CPNE6: variants seen among roughly 807,000 people sequenced by gnomAD.
CPNE6 encodes copine-6.
CPNE6 carries 33 observed loss-of-function variants against 71.5 expected under a neutral mutation model. The ratio of observed to expected loss-of-function variants is 0.46; its 90% CI spans 0.35 to 0.62. The LOEUF (loss-of-function observed/expected upper bound fraction) is 0.62, where lower values mean the gene tolerates loss of function less well. CPNE6 is among the 20% of genes least tolerant of loss of function. The pLI is 0.00. For synonymous variants in CPNE6, 296 were observed against 293.0 expected (o/e 1.01, Z -0.10); for missense variants, 576 against 747.3 (o/e 0.77, Z 2.67).
rs748426725 is a variant in CPNE6, at chr14:24,074,746, G to A, written c.623G>A (p.Arg208His). 1.2e-5 allele frequency: 20 copies of A among 1,613,820 alleles called. No homozygotes were observed. The highest frequency in any genetic ancestry group is 2.2e-5 in the East Asian group (1 of 44,870). Residue 208 changes from arginine (R) to histidine (H), a missense_variant, in exon 8 of 18, where the codon CGC becomes CAC. This residue lies in a region of CPNE6 where 214 missense variants were observed against 291.2 expected (regional missense o/e 0.73). Coordinates refer to ENST00000397016, the Ensembl canonical transcript of CPNE6. This position sits in a 1 kb window ranked among gnomAD's most constrained non-coding sequence, Gnocchi z 4.5. ...CTGAACCCCAGCTGGGAGCCGTTCC[G>A]CCTGTCCCTGCATTCCCTATGCAGC...
Position 24,074,330 on chromosome 14 carries a change from C to A in CPNE6, c.463C>A (p.Gln155Lys). The stretch of plus-strand genomic sequence containing the variant: ...GGTATCAGGCACAAACGACTATGTG[C>A]AACTCACCTTCAGAGCCTACAAGCT... Residue 155 changes from glutamine to lysine, a missense_variant, in exon 6 of 18, where the codon CAA becomes AAA. Gln to Lys is a moderately conservative substitution (Grantham distance 53, BLOSUM62 1). Around this residue, in one of 4 missense-constraint regions of CPNE6, gnomAD observed 214 missense variants for 291.2 expected, o/e 0.73. Transcript: ENST00000397016. This position sits in a 1 kb window ranked among gnomAD's most constrained non-coding sequence, Gnocchi z 4.5. 1.3e-6 allele frequency: 2 copies of A among 1,567,576 alleles called. No homozygotes were observed. The highest frequency in any genetic ancestry group is 2.4e-5 in the South Asian group (2 of 82,942).
chr14:24,076,834 G>A lies in CPNE6; in HGVS notation c.1166-45G>A, dbSNP rs756922998. 8 of 1,608,374 alleles carry A rather than the reference G, an allele frequency of 5.0e-6. No homozygotes were observed. The Admixed American group carries it at 1.2e-4, about 23-fold the overall frequency. ...TTGCTTTAAGGAGTGTCAGGAGGGG[G>A]CCCTGCTCATTTCTGCCAGCTTCAC... On this transcript the variant is annotated intron_variant, in intron 14 of 17. Coordinates refer to ENST00000397016, the Ensembl canonical transcript of CPNE6.
In CPNE6 at chr14:24,073,909, T is replaced by C; in HGVS notation, c.349-142T>C. 3 of 856,076 alleles carry C rather than the reference T, an allele frequency of 3.5e-6. No homozygotes were observed. The highest frequency in any genetic ancestry group is 5.7e-6 in the Non-Finnish European group (3 of 524,876). 53.0% of individuals were successfully genotyped at this position (856,076 alleles called of 1,614,324 possible). Reference sequence around the variant, plus strand: ...TCAGAGTGCTTCCCTCTTCAGACTATTGTAAAAATTGAGCCCAACCCTAGC... The same window carrying C: ...TCAGAGTGCTTCCCTCTTCAGACTACTGTAAAAATTGAGCCCAACCCTAGC... On this transcript the variant is annotated intron_variant, in intron 4 of 17. Coordinates refer to ENST00000397016, the Ensembl canonical transcript of CPNE6. This position sits in a 1 kb window ranked among gnomAD's most constrained non-coding sequence, Gnocchi z 5.5.
rs1296876258 is a variant in CPNE6 at position 24,071,459 on chromosome 14, T to G, written c.-119-68T>G. Reference sequence around the variant, plus strand: ...AGGCTGTGGCCCTGCCCCTTCCCTCTTCTCCCTCCCAATCCATCCACGCGG... The same window carrying G: ...AGGCTGTGGCCCTGCCCCTTCCCTCGTCTCCCTCCCAATCCATCCACGCGG... On this transcript the variant is annotated intron_variant, in intron 1 of 17. Coordinates refer to ENST00000397016, the Ensembl canonical transcript of CPNE6. 4 of 1,512,060 alleles carry G rather than the reference T, an allele frequency of 2.6e-6. No individual in the cohort carries two copies. In the African/African-American group the frequency reaches 5.5e-5, roughly 21 times the overall value. 93.7% of individuals were successfully genotyped at this position (1,512,060 alleles called of 1,614,324 possible). A position where few individuals can be genotyped will look rare whatever the true frequency, so the allele number is the denominator to read the frequency against.
Position 24,073,049 on chromosome 14 carries a change from C to T in CPNE6, c.113C>T (p.Thr38Ile). 1 of 1,558,096 alleles carries T rather than the reference C, an allele frequency of 6.4e-7. No individual in the cohort carries two copies. The highest frequency in any genetic ancestry group is 1.2e-5 in the South Asian group (1 of 84,188). Residue 38 changes from threonine to isoleucine, a missense_variant, in exon 3 of 18, where the codon ACC becomes ATC. By Grantham distance (89) the Thr-to-Ile change is moderately conservative (BLOSUM62 -1). This residue lies in a region of CPNE6 where 89 missense variants were observed against 80.4 expected (regional missense o/e 1.11). Transcript: ENST00000397016. This position sits in a 1 kb window ranked among gnomAD's most constrained non-coding sequence, Gnocchi z 5.5. The stretch of plus-strand genomic sequence containing the variant: ...GGCCTCCTGGACCGGGACACACTCA[C>T]CAAACCCCACCCCTGCGTGCTGCTC...
rs536286472 is a variant in CPNE6 at position 24,074,095 on chromosome 14, T to A, written c.393T>A (p.Asn131Lys). ...TCACTAAGCCATTATTGCTGAAGAA[T>A]GGGAAGACTGCGGGCAAGTCCACCA... Residue 131 changes from asparagine (N) to lysine (K), a missense_variant, in exon 5 of 18, where the codon AAT (asparagine) becomes AAA (lysine). Asn to Lys is a moderately conservative substitution (Grantham distance 94). Transcript: ENST00000397016. The surrounding 1 kb of genome is among the most constrained non-coding windows in gnomAD (Gnocchi z 4.5). The A allele has an allele frequency of 6.2e-7, 1 of 1,614,152 alleles. No individual in the cohort carries two copies. Among genetic ancestry groups the A allele is most frequent in the East Asian group, 2.2e-5 (1 of 44,880 alleles).
In CPNE6 at chr14:24,077,895, T is replaced by C; in HGVS notation, c.*45T>C. ...TCTCCCACCCCCTCCCAGGTGCCTGTCCTGACCCTCGTGACTCCAGTGACC... is the reference window on the plus strand; with the variant it reads ...TCTCCCACCCCCTCCCAGGTGCCTGCCCTGACCCTCGTGACTCCAGTGACC... On this transcript the variant is annotated 3_prime_UTR_variant, in exon 18 of 18. Transcript: ENST00000397016. The surrounding 1 kb of genome is among the most constrained non-coding windows in gnomAD (Gnocchi z 6.1). 1 of 706,628 alleles carries C rather than the reference T, an allele frequency of 1.4e-6. No individual in the cohort carries two copies. The highest frequency in any genetic ancestry group is 2.1e-6 in the Non-Finnish European group (1 of 474,152). 43.8% of individuals were successfully genotyped at this position (706,628 alleles called of 1,614,324 possible). A position where few individuals can be genotyped will look rare whatever the true frequency, so the allele number is the denominator to read the frequency against.
rs749057723 is a variant in CPNE6 at position 24,075,288 on chromosome 14, A to G, written c.777+12A>G. The G allele has an allele frequency of 1.9e-6, 3 of 1,603,970 alleles. No homozygotes were observed. Among genetic ancestry groups the G allele is most frequent in the East Asian group, 4.5e-5 (2 of 44,826 alleles). ...ACCCTGGGCAGGAGGTGCCACAAAT[A>G]CCCCACCCCCAGAATCCCACCCAGA... is the stretch of plus-strand genomic sequence containing the variant. On this transcript the variant is annotated intron_variant, in intron 9 of 17. Transcript: ENST00000397016. The surrounding 1 kb of genome is among the most constrained non-coding windows in gnomAD (Gnocchi z 4.3).
intron 1 of CPNE6, 61 bp from the exon 1 acceptor site, chr14:24,071,501 G>GGCGC: frequency 4.9e-6 from 7 of 1,416,696 alleles, no homozygotes; most frequent in Non-Finnish European, 6.5e-6. Flanking sequence ...CTGGTGCTGC[G>GGCGC]CCCCCCCCCA....
rs867826382 is a variant in CPNE6 at position 24,075,941 on chromosome 14, G to A, written c.924+55G>A. ...AAGAGGGAGGGGCTGAGTCCATAGT[G>A]AAAGGAAGGAGCCCAGAATCTCCAC... On this transcript the variant is annotated intron_variant, in intron 11 of 17. Coordinates refer to ENST00000397016, the Ensembl canonical transcript of CPNE6. The surrounding 1 kb of genome is among the most constrained non-coding windows in gnomAD (Gnocchi z 4.3). 6.3e-7 allele frequency: 1 copy of A among 1,598,820 alleles called. No homozygotes were observed. Among genetic ancestry groups the A allele is most frequent in the South Asian group, 1.1e-5 (1 of 90,530 alleles).
intron 14 of CPNE6, 104 bp downstream of exon 13, chr14:24,076,661 T>A: frequency 6.6e-7 from 1 of 1,521,500 alleles, no homozygotes; most frequent in Non-Finnish European, 9.0e-7. Flanking sequence ...CTTCCACCCA[T>A]CCCAGGCCTG....
chr14:24,074,150 C>G lies in CPNE6; in HGVS notation c.423+25C>G. On this transcript the variant is annotated intron_variant, in intron 5 of 17. Coordinates refer to ENST00000397016, the Ensembl canonical transcript of CPNE6. This position sits in a 1 kb window ranked among gnomAD's most constrained non-coding sequence, Gnocchi z 4.5. Reference sequence around the variant, plus strand: ...GGTAGGCAAGATCACCTGTACTCACCCTTGGTCCAGGTATTCAATGCCCCT... The same window carrying G: ...GGTAGGCAAGATCACCTGTACTCACGCTTGGTCCAGGTATTCAATGCCCCT... 1.9e-6 allele frequency: 3 copies of G among 1,609,626 alleles called. No homozygotes were observed. The highest frequency in any genetic ancestry group is 2.6e-6 in the Non-Finnish European group (3 of 1,175,922).
chr14:24,074,397 C>T lies in CPNE6; in HGVS notation c.498+32C>T. The T allele has an allele frequency of 1.3e-6, 2 of 1,547,920 alleles. No individual in the cohort carries two copies. The highest frequency in any genetic ancestry group is 1.7e-6 in the Non-Finnish European group (2 of 1,146,266). ...ACCCCAGAGTCCAGGCCCCCAACTC[C>T]CCTGTCACTCCTAGGCCTCCCACTC... On this transcript the variant is annotated intron_variant, in intron 6 of 17. Coordinates refer to ENST00000397016, the Ensembl canonical transcript of CPNE6. The surrounding 1 kb of genome is among the most constrained non-coding windows in gnomAD (Gnocchi z 4.5).
At position 24,075,771 on chromosome 14, in the gene CPNE6, C is replaced by T; in HGVS notation, c.865-56C>T. On this transcript the variant is annotated intron_variant, in intron 10 of 17. Transcript: ENST00000397016. The surrounding 1 kb of genome is among the most constrained non-coding windows in gnomAD (Gnocchi z 4.3). The stretch of plus-strand genomic sequence containing the variant: ...GTTCCCCACAGAAGCCCTACCCAAG[C>T]TCCCTCCTCAAAGGACCACCCCATC... The T allele has an allele frequency of 6.4e-7, 1 of 1,550,686 alleles. No homozygotes were observed. Among genetic ancestry groups the T allele is most frequent in the Non-Finnish European group, 8.9e-7 (1 of 1,123,610 alleles).
At chr14:24,071,843 AC>A in intron 2 of CPNE6, 1 of 531,930 alleles carries the variant, frequency 1.9e-6, no homozygotes, top group Middle Eastern at 4.9e-4. Context: ...CCCAGCCCAG[AC>A]CCTCCCTCAC....
intron 2 of CPNE6, chr14:24,072,607 T>A (rs2035935171): frequency 4.1e-6 from 1 of 242,604 alleles, no homozygotes; most frequent in African/African-American, 2.2e-5. Context: ...CAGAAGGTGC[T>A]GAGGCGGCAG....
exon 14 of CPNE6, chr14:24,076,547 T>G (rs1385427114): frequency 8.7e-6 from 14 of 1,614,136 alleles, no homozygotes; most frequent in Admixed American, 5.0e-5. Flanking sequence ...CGGAAAATCC[T>G]GAATGTGAAG....
chr14:24,073,669 C>A lies in CPNE6; in HGVS notation c.339C>A (p.Thr113=). 4 of 1,612,856 alleles carry A rather than the reference C, an allele frequency of 2.5e-6. No individual in the cohort carries two copies. Among genetic ancestry groups the A allele is most frequent in the Non-Finnish European group, 3.4e-6 (4 of 1,179,590 alleles). ...CCTTCCTCGGCTCTACGGAGTGCAC[C>A]TTGGGCCAGGTCTGCATTCCCGGCC... Residue 113 remains threonine, a synonymous_variant, in exon 4 of 18, where the codon ACC becomes ACA. Transcript: ENST00000397016. The surrounding 1 kb of genome is among the most constrained non-coding windows in gnomAD (Gnocchi z 5.5).
In CPNE6 at chr14:24,077,464, C is replaced by T. The variant is rs763647432; in HGVS notation, c.1536+74C>T. 1 of 1,575,870 alleles carries T rather than the reference C, an allele frequency of 6.3e-7. No homozygotes were observed. The highest frequency in any genetic ancestry group is 1.7e-5 in the Admixed American group (1 of 59,964). ...CCCCCCAAATCTGACCTTCGTCTTC[C>T]ACCATTTGATGTCCTGCTAAGGACG... On this transcript the variant is annotated intron_variant, in intron 16 of 17. Transcript: ENST00000397016. This position sits in a 1 kb window ranked among gnomAD's most constrained non-coding sequence, Gnocchi z 6.1.
Sources: gnomAD v4.1 joint callset for allele counts on GRCh38, gnomAD v4.1.1 for gene constraint, gnomAD v4.1.1 regional missense constraint, Gnocchi (gnomAD v3.1) non-coding constraint, MANE v1.5 for transcripts, NCBI Gene and HGNC (gene_info 2026-07-23, HGNC 2026-07-21) for gene names.